The following KIF11 variants were observed in gnomAD, a reference collection of about 807,000 sequenced individuals.
The protein encoded by KIF11 is kinesin-like protein KIF11.
KIF11 carries 9 observed loss-of-function variants against 121.0 expected under a neutral mutation model. The observed-to-expected ratio is 0.07, with a 90% confidence interval of 0.04 to 0.13. The LOEUF (loss-of-function observed/expected upper bound fraction) is 0.13, where lower values mean the gene tolerates loss of function less well. KIF11 is among the 10% of genes least tolerant of loss of function. The pLI is 1.00. For missense variants in KIF11, 846 were observed against 1,217.5 expected (o/e 0.69, Z 4.54); for synonymous variants, 408 against 421.0 (o/e 0.97, Z 0.38).
chr10:92,596,901 C>A, intron 1 of KIF11: 1 of 238,682 alleles, frequency 4.2e-6, no homozygotes, highest in South Asian at 6.0e-5. Flanking sequence ...GTGTTTGGCC[C>A]CAGTGCAGCC....
At chr10:92,629,672 G>T (rs892835849) in intron 11 of KIF11, among the ~76,000 whole-genome samples, 3 of 151,940 alleles carry the variant, frequency 2.0e-5, no homozygotes, top group African/African-American at 7.3e-5. Context: ...ACAGTGCAGT[G>T]GTGTAATCAT....
Position 92,606,381 on chromosome 10 carries a change from C to T in KIF11, c.194C>T (p.Thr65Ile). 1 of 1,607,904 alleles carries T rather than the reference C, an allele frequency of 6.2e-7. No homozygotes were observed. Among genetic ancestry groups the T allele is most frequent in the South Asian group, 1.1e-5 (1 of 89,730 alleles). ...TTGGCTGACAAGAGCTCAAGGAAAACATACACTTTTGATATGGTAACATAT... is the reference window on the plus strand; with the variant it reads ...TTGGCTGACAAGAGCTCAAGGAAAATATACACTTTTGATATGGTAACATAT... ...GGLADKSSRK[T>I]YTFDMVFGAS... is the part of the protein sequence containing the mutation. Residue 65 changes from threonine (T) to isoleucine (I), a missense_variant, in exon 2 of 22, where the codon ACA becomes ATA. This residue lies in a region of KIF11 where 140 missense variants were observed against 193.5 expected (regional missense o/e 0.72). Transcript: ENST00000260731.
intron 21 of KIF11, among the ~76,000 whole-genome samples, chr10:92,652,248 C>T (rs889296830): frequency 6.6e-6 from 1 of 152,076 alleles, no homozygotes; most frequent in African/African-American, 2.4e-5. Flanking sequence ...TCTAGCGATT[C>T]TCTTGCCTCA....
chr10:92,598,270 G>A (rs532489150), intron 1 of KIF11, among the ~76,000 whole-genome samples: 1 of 152,194 alleles, frequency 6.6e-6, no homozygotes, highest in South Asian at 2.1e-4. Flanking sequence ...GTTAATATTT[G>A]TATATTGTGT....
In KIF11 at chr10:92,606,405, A is replaced by G. The variant is rs775105159; in HGVS notation, c.210+8A>G. ...ACATACACTTTTGATATGGTAACAT[A>G]TGGTGCAATTTCTTTATTATCCACT... On this transcript the variant is annotated splice_region_variant and intron_variant, in intron 2 of 21. Coordinates refer to ENST00000260731, the MANE Select transcript of KIF11 (RefSeq NM_004523.4). 81 of 1,587,306 alleles carry G rather than the reference A, an allele frequency of 5.1e-5. No individual in the cohort carries two copies. The highest frequency in any genetic ancestry group is 6.7e-5 in the Non-Finnish European group (79 of 1,171,648).
intron 21 of KIF11, among the ~76,000 whole-genome samples, chr10:92,651,507 GTTTTTTTTTTTTTTTTTTTTTTTTT>G (rs1175303233): frequency 1.1e-4 from 6 of 52,954 alleles, no homozygotes; most frequent in Non-Finnish European, 1.7e-4. Context: ...GGCTAATTTT[GTTTTTTTTTTTTTTTTTTTTTTTTT>G]TTTTTTTTTT....
Position 92,640,340 on chromosome 10 carries a change from G to A in KIF11, c.2267+440G>A, listed in dbSNP as rs144919066. ...ACTGCAGTGGCAAAGTTGAGTCATTGCATCCAGGTCATTGAACAATAGCCT... is the reference window on the plus strand; with the variant it reads ...ACTGCAGTGGCAAAGTTGAGTCATTACATCCAGGTCATTGAACAATAGCCT... On this transcript the variant is annotated intron_variant, in intron 17 of 21. Coordinates refer to ENST00000260731, the MANE Select transcript of KIF11 (RefSeq NM_004523.4). 5.3e-5 allele frequency among the ~76,000 whole-genome samples: 8 copies of A among 152,366 alleles called. No individual in the cohort carries two copies. In the East Asian group the frequency reaches 1.5e-3, roughly 29 times the overall value.
Position 92,655,343 on chromosome 10 carries a change from T to G in KIF11, c.*1547T>G, listed in dbSNP as rs780686844. ...GTCAGCATAAGCGATGGATAATACCTAATAAACTGCCCTCAGTAAATCCAT... is the reference window on the plus strand; with the variant it reads ...GTCAGCATAAGCGATGGATAATACCGAATAAACTGCCCTCAGTAAATCCAT... On this transcript the variant is annotated 3_prime_UTR_variant, in exon 22 of 22. Coordinates refer to ENST00000260731, the MANE Select transcript of KIF11 (RefSeq NM_004523.4). 4.6e-5 allele frequency: 7 copies of G among 152,238 alleles called. No individual in the cohort carries two copies. The highest frequency in any genetic ancestry group is 8.8e-5 in the Non-Finnish European group (6 of 68,042). 9.4% of individuals were successfully genotyped at this position (152,238 alleles called of 1,614,324 possible). A position where few individuals can be genotyped will look rare whatever the true frequency, so the allele number is the denominator to read the frequency against.
intron 4 of KIF11, among the ~76,000 whole-genome samples, chr10:92,608,027 T>C (rs546284619): frequency 6.9e-6 from 1 of 145,852 alleles, no homozygotes; most frequent in Non-Finnish European, 1.5e-5. Flanking sequence ...TGGTGGTGCA[T>C]ACGTGTAATC....
At chr10:92,642,807 A>T (rs183267521) in intron 17 of KIF11, among the ~76,000 whole-genome samples, 2 of 152,302 alleles carry the variant, frequency 1.3e-5, no homozygotes, top group East Asian at 3.9e-4. Context: ...ATCCTTCTCC[A>T]TCTCTTTACT....
Position 92,651,507 on chromosome 10 carries a change from G to GTATTTTTTTTTTT in KIF11, c.3039+991_3039+992insATTTTTTTTTTTT, listed in dbSNP as rs1554863366. ...TGTGCCACCATGCCTGGCTAATTTT[G>GTATTTTTTTTTTT]TTTTTTTTTTTTTTTTTTTTTTTTT... On this transcript the variant is annotated intron_variant, in intron 21 of 21. Coordinates refer to ENST00000260731, the MANE Select transcript of KIF11 (RefSeq NM_004523.4). 2.6e-3 allele frequency among the ~76,000 whole-genome samples: 138 copies of GTATTTTTTTTTTT among 52,968 alleles called. 33 individuals carry two copies. Among genetic ancestry groups the GTATTTTTTTTTTT allele is most frequent in the Non-Finnish European group, 4.1e-3 (97 of 23,896 alleles). The allele number at this position is 52,968 out of a possible 152,430, so 34.7% of individuals were successfully genotyped here.
At chr10:92,599,658 CTTTT>C (rs879564897) in intron 1 of KIF11, among the ~76,000 whole-genome samples, 2 of 137,434 alleles carry the variant, frequency 1.5e-5, no homozygotes, top group Non-Finnish European at 3.2e-5. Context: ...GTTTTCTTTT[CTTTT>C]TTTTTTTTTG....
chr10:92,628,779 T>G, intron 10 of KIF11, 29 bp from the exon 11 acceptor site: 1 of 1,223,544 alleles, frequency 8.2e-7, no homozygotes, highest in Non-Finnish European at 1.2e-6. Context: ...AAATATTAAC[T>G]GTTAAACTCA....
In KIF11 at chr10:92,630,182, G is replaced by C. The variant is rs1844721205; in HGVS notation, c.1312G>C (p.Glu438Gln). 2 of 1,524,466 alleles carry C rather than the reference G, an allele frequency of 1.3e-6. No individual in the cohort carries two copies. The highest frequency in any genetic ancestry group is 1.8e-6 in the Non-Finnish European group (2 of 1,130,720). The allele number at this position is 1,524,466 out of a possible 1,614,324, so 94.4% of individuals were successfully genotyped here. A position where few individuals can be genotyped will look rare whatever the true frequency, so the allele number is the denominator to read the frequency against. Residue 438 changes from glutamate (E) to glutamine (Q), a missense_variant, in exon 12 of 22, where the codon GAG (glutamate) becomes CAG (glutamine). Physicochemically the swap from Glu to Gln is conservative, Grantham distance 29. This residue lies in a region of KIF11 where 95 missense variants were observed against 109.3 expected (regional missense o/e 0.87). Coordinates refer to ENST00000260731, the MANE Select transcript of KIF11 (RefSeq NM_004523.4). Reference protein sequence around the residue: ...AVEEELNRVTELFMDNKNELD... With the variant: ...AVEEELNRVTQLFMDNKNELD... ...TTTAAATTCTTATATTTAGGTTACA[G>C]AGTTGTTTATGGATAATAAAAATGA...
At chr10:92,649,704 C>A in intron 19 of KIF11, 131 bp from the exon 20 acceptor site, 1 of 598,504 alleles carries the variant, frequency 1.7e-6, no homozygotes. Flanking sequence ...GGTAGCAAGA[C>A]TGATCCTCAT....
chr10:92,632,466 A>T lies in KIF11; in HGVS notation c.1495-20A>T. On this transcript the variant is annotated intron_variant, in intron 12 of 21. Transcript: ENST00000260731. ...TTTCACCGTATCCATTTTGTCTAAC[A>T]CTTATTTTTAAAAATATAGCTGCTT... 6.7e-7 allele frequency: 1 copy of T among 1,481,984 alleles called. No individual in the cohort carries two copies. Among genetic ancestry groups the T allele is most frequent in the South Asian group, 1.1e-5 (1 of 87,160 alleles). 91.8% of individuals were successfully genotyped at this position (1,481,984 alleles called of 1,614,324 possible).
At chr10:92,625,917 G>T (rs535513076) in intron 10 of KIF11, among the ~76,000 whole-genome samples, 11 of 152,282 alleles carry the variant, frequency 7.2e-5, no homozygotes, top group Non-Finnish European at 2.9e-5. Context: ...ACTGCTGAAA[G>T]AAATCAGAGT....
intron 21 of KIF11, 42 bp from the exon 22 acceptor site, chr10:92,653,623 G>T: frequency 6.4e-7 from 1 of 1,574,556 alleles, no homozygotes; most frequent in Non-Finnish European, 8.7e-7. Context: ...TGTATCTAAT[G>T]TTACTTTGTA....
chr10:92,607,146 T>A lies in KIF11; in HGVS notation c.309-13T>A, dbSNP rs1389711881. ...ATGTTTCTTTTTGATTTAACACTTG[T>A]TAATCTTTACAGGTATGGCCAAACT... On this transcript the variant is annotated splice_polypyrimidine_tract_variant and intron_variant, in intron 3 of 21. Transcript: ENST00000260731. 6.5e-7 allele frequency: 1 copy of A among 1,540,498 alleles called. No homozygotes were observed. Among genetic ancestry groups the A allele is most frequent in the Non-Finnish European group, 9.0e-7 (1 of 1,113,984 alleles).
Sources: gnomAD v4.1 joint callset for allele counts (sites outside exome capture counted in the v4.1 genomes callset) on GRCh38, gnomAD v4.1.1 for gene constraint, gnomAD v4.1.1 regional missense constraint, MANE v1.5 for transcripts, NCBI Gene and HGNC (gene_info 2026-07-23, HGNC 2026-07-21) for gene names.